The following DNASE1 variants were observed in gnomAD, a reference collection of about 807,000 sequenced individuals.
DNASE1 encodes deoxyribonuclease 1.
Under a neutral mutation model 33.9 loss-of-function variants are expected in DNASE1, and 40 were observed. The observed-to-expected ratio is 1.18, with a 90% CI of 0.92 to 1.54. The LOEUF (loss-of-function observed/expected upper bound fraction) is 1.54. Among genes scored for constraint, DNASE1 ranks in the 40% most tolerant of loss-of-function variants. The pLI is 0.00. For synonymous variants in DNASE1, 216 were observed against 160.0 expected, an observed-to-expected ratio of 1.35 and a Z score of -2.64; for missense variants, 518 against 372.6, an observed-to-expected ratio of 1.39 and a Z score of -3.21.
At chr16:3,628,747 G>T (rs1379221400) in intron 1 of DNASE1, among the ~76,000 whole-genome samples, 2 of 150,432 alleles carry the variant, frequency 1.3e-5, no homozygotes, top group Non-Finnish European at 3.0e-5. Context: ...TTTTAGTAGA[G>T]ACGGGGTTTC....
At chr16:3,621,077 T>C (rs1794799259) in intron 1 of DNASE1, among the ~76,000 whole-genome samples, 1 of 152,028 alleles carries the variant, frequency 6.6e-6, no homozygotes, top group Admixed American at 6.6e-5. Context: ...GGATTACAGG[T>C]GTGAGCCACT....
downstream of DNASE1, chr16:3,661,872 C>T: frequency 7.5e-7 from 1 of 1,338,340 alleles, no homozygotes. Context: ...TAGTTACCCA[C>T]ATGTCCACAG....
chr16:3,614,816 A>G (rs1596545276), intron 1 of DNASE1, among the ~76,000 whole-genome samples: 1 of 152,222 alleles, frequency 6.6e-6, no homozygotes, highest in South Asian at 2.1e-4. Flanking sequence ...AAACATGGAC[A>G]TGGCTGGGTT....
At position 3,655,016 on chromosome 16, in the gene DNASE1, C is replaced by T. The variant is rs2042503034; in HGVS notation, c.-30C>T. Reference sequence around the variant, plus strand: ...TCCAGATTCTTGACAGCATTCTCGTCATCTCTGAGGACATCACCATCATCT... The same window carrying T: ...TCCAGATTCTTGACAGCATTCTCGTTATCTCTGAGGACATCACCATCATCT... On this transcript the variant is annotated 5_prime_UTR_variant, in exon 1 of 9. Coordinates refer to ENST00000246949, the MANE Select transcript of DNASE1 (RefSeq NM_005223.4). 8.1e-6 allele frequency: 4 copies of T among 493,010 alleles called. No homozygotes were observed. In the South Asian group the frequency reaches 1.6e-4, roughly 20 times the overall value. 30.5% of individuals were successfully genotyped at this position (493,010 alleles called of 1,614,324 possible). A position where few individuals can be genotyped will look rare whatever the true frequency, so the allele number is the denominator to read the frequency against.
At chr16:3,651,936 C>G (rs2042348316), upstream of DNASE1, 1 of 152,358 alleles carries the variant, frequency 6.6e-6, no homozygotes, top group African/African-American at 2.4e-5. Context: ...AATGATTGTT[C>G]TGGGAATCTA....
At chr16:3,650,986 A>C (rs1325408831), upstream of DNASE1, 2 of 152,236 alleles carry the variant, frequency 1.3e-5, no homozygotes, top group East Asian at 3.8e-4. Context: ...GCTTCCTTCA[A>C]AATTCAGAAG....
Position 3,655,507 on chromosome 16 carries a change from G to A in DNASE1, c.134G>A (p.Ser45Asn), listed in dbSNP as rs1203552189. The stretch of plus-strand genomic sequence containing the variant: ...AAGATGTCCAATGCCACCCTCGTCA[G>A]CTACATTGTGCAGGTGAGGCCAGGG... ...ETKMSNATLV[S>N]YIVQILSRYD... Residue 45 changes from serine to asparagine, a missense_variant, in exon 2 of 9, where the codon AGC (serine) becomes AAC (asparagine). Coordinates refer to ENST00000246949, the MANE Select transcript of DNASE1 (RefSeq NM_005223.4). 3.7e-6 allele frequency: 6 copies of A among 1,614,138 alleles called. No homozygotes were observed. In the South Asian group the frequency reaches 6.6e-5, roughly 18 times the overall value.
chr16:3,647,073 G>A (rs1489852764), intron 1 of DNASE1, among the ~76,000 whole-genome samples: 1 of 152,162 alleles, frequency 6.6e-6, no homozygotes, highest in Admixed American at 6.5e-5. Flanking sequence ...GAGGACAGCA[G>A]GGGAGTGTTT....
At chr16:3,654,446 A>C (rs2042464704), upstream of DNASE1, 1 of 398,602 alleles carries the variant, frequency 2.5e-6, no homozygotes, top group Non-Finnish European at 4.4e-6. Context: ...CATGGCTGTC[A>C]GCCACCAGGG....
At chr16:3,627,883 A>C (rs1227090101) in intron 1 of DNASE1, among the ~76,000 whole-genome samples, 4 of 141,130 alleles carry the variant, frequency 2.8e-5, no homozygotes, top group Non-Finnish European at 4.5e-5. Flanking sequence ...GGTGTTGGCT[A>C]TCTGGGGTCC....
At chr16:3,612,078 C>T (rs2040897423) in intron 1 of DNASE1, 1 of 152,148 alleles carries the variant, frequency 6.6e-6, no homozygotes, top group Admixed American at 6.5e-5. Flanking sequence ...TTCTGCCGCG[C>T]TTCAGGTGCC....
At chr16:3,642,224 TA>T (rs2042043671), upstream of DNASE1, among the ~76,000 whole-genome samples, 2 of 152,342 alleles carry the variant, frequency 1.3e-5, no homozygotes, top group East Asian at 3.9e-4. Flanking sequence ...AGTTCTCTGC[TA>T]TCTGGCAGCA....
intron 5 of DNASE1, 21 bp from the exon 6 acceptor site, chr16:3,656,978 A>G: frequency 1.9e-6 from 3 of 1,611,374 alleles, no homozygotes; most frequent in Non-Finnish European, 2.5e-6. Flanking sequence ...TGTGCCTCAC[A>G]CGACGTGGCT....
chr16:3,611,858 G>C (rs533388350), exon 1 of DNASE1: 6 of 152,570 alleles, frequency 3.9e-5, no homozygotes, highest in African/African-American at 1.4e-4. Flanking sequence ...ATAAAGTCTG[G>C]TTCCTCCCCA....
intron 1 of DNASE1, among the ~76,000 whole-genome samples, chr16:3,620,641 A>G (rs942703689): frequency 6.6e-6 from 1 of 152,142 alleles, no homozygotes; most frequent in Non-Finnish European, 1.5e-5. Flanking sequence ...ATAAAGATAT[A>G]TTTATAGTTT....
downstream of DNASE1, chr16:3,659,365 A>C (rs959745205): frequency 6.6e-6 from 1 of 152,436 alleles, no homozygotes; most frequent in Non-Finnish European, 1.5e-5. Context: ...ACTGGGAGCC[A>C]TGCAGAAAAC....
chr16:3,656,336 C>T (rs758745), intron 4 of DNASE1, 151 bp downstream of exon 4: 114,409 of 842,004 alleles, frequency 0.14, 9,123 homozygotes, highest in East Asian at 0.2. Flanking sequence ...CCCAAGGTCC[C>T]GGACCAATGG....
In DNASE1 at chr16:3,657,411, C is replaced by A. The variant is rs114187325; in HGVS notation, c.704+70C>A. 144 of 1,576,474 alleles carry A rather than the reference C, an allele frequency of 9.1e-5. No homozygotes were observed. The African/African-American group carries it at 1.7e-3, about 18-fold the overall frequency. ...GGGCAGCCGTGACTCATAGGTCGGG[C>A]TTCAGAAGCCTCAAAGCCTTTGAAC... is the stretch of plus-strand genomic sequence containing the variant. On this transcript the variant is annotated intron_variant, in intron 7 of 8. Coordinates refer to ENST00000246949, the MANE Select transcript of DNASE1 (RefSeq NM_005223.4).
At chr16:3,612,787 C>G (rs1051689685) in intron 1 of DNASE1, among the ~76,000 whole-genome samples, 1 of 152,136 alleles carries the variant, frequency 6.6e-6, no homozygotes, top group African/African-American at 2.4e-5. Context: ...ATTACATAAT[C>G]TAGATGAAAA....
Sources: allele counts gnomAD v4.1 joint callset (sites outside exome capture counted in the v4.1 genomes callset), GRCh38; gene constraint gnomAD v4.1.1; transcripts MANE v1.5; gene names NCBI Gene and HGNC (gene_info 2026-07-23, HGNC 2026-07-21).